VWA8: variants seen among roughly 807,000 people sequenced by gnomAD.
The protein encoded by VWA8 is von Willebrand factor A domain-containing protein 8.
VWA8 carries 221 observed loss-of-function variants against 241.5 expected under a neutral mutation model. The ratio of observed to expected loss-of-function variants is 0.91; its 90% CI spans 0.82 to 1.02. The LOEUF is 1.02. Among genes scored for constraint, VWA8 ranks in the 50% least tolerant of loss-of-function variants. The pLI is 0.00. For synonymous variants in VWA8, 852 were observed against 827.1 expected, an observed-to-expected ratio of 1.03 and a Z score of -0.52; for missense variants, 2,322 against 2,328.7, an observed-to-expected ratio of 1.00 and a Z score of 0.06.
At chr13:41,896,657 A>G (rs961839601) in intron 4 of VWA8, among the ~76,000 whole-genome samples, 1 of 152,172 alleles carries the variant, frequency 6.6e-6, no homozygotes, top group Non-Finnish European at 1.5e-5. Context: ...AGCACCACAA[A>G]AATATATATT....
At chr13:41,701,582 T>C in intron 27 of VWA8, 52 bp from the exon 28 acceptor site, 11 of 1,472,018 alleles carry the variant, frequency 7.5e-6, no homozygotes, top group South Asian at 1.5e-5. Context: ...CACCAAAATG[T>C]AGAAAAGCTA....
chr13:41,848,658 G>A (rs1872393450), intron 12 of VWA8, among the ~76,000 whole-genome samples: 1 of 152,142 alleles, frequency 6.6e-6, no homozygotes, highest in Non-Finnish European at 1.5e-5. Flanking sequence ...AGTTTTCTGA[G>A]GCTTCCCCAG....
intron 2 of VWA8, among the ~76,000 whole-genome samples, chr13:41,934,193 G>A (rs186790864): frequency 1.4e-3 from 214 of 149,214 alleles, no homozygotes; most frequent in African/African-American, 4.9e-3. Context: ...AAGATATAAA[G>A]ATGATAAATA....
At chr13:41,863,050 G>A (rs1831469) in intron 12 of VWA8, among the ~76,000 whole-genome samples, 41,362 of 151,922 alleles carry the variant, frequency 0.27, 5,713 homozygotes, top group African/African-American at 0.34. Flanking sequence ...TGTGTCTGTG[G>A]GGGTGTTGCC....
At chr13:41,868,531 T>G in intron 9 of VWA8, 54 bp from the exon 10 acceptor site, 1 of 1,558,970 alleles carries the variant, frequency 6.4e-7, no homozygotes, top group Non-Finnish European at 8.7e-7. Flanking sequence ...GCATTAACAT[T>G]GGCTATCTGA....
At chr13:41,918,152 A>G (rs573418308) in intron 2 of VWA8, among the ~76,000 whole-genome samples, 55 of 152,366 alleles carry the variant, frequency 3.6e-4, no homozygotes, top group African/African-American at 1.3e-3. Context: ...CCAAGAATAC[A>G]AAGATGAATA....
intron 37 of VWA8, among the ~76,000 whole-genome samples, chr13:41,634,764 T>G (rs2044746734): frequency 6.6e-6 from 1 of 152,204 alleles, no homozygotes; most frequent in Non-Finnish European, 1.5e-5. Flanking sequence ...TTGGCTCTTA[T>G]ATAATTTACT....
intron 31 of VWA8, 60 bp from the exon 32 acceptor site, chr13:41,691,505 G>A (rs2045177351): frequency 6.4e-7 from 1 of 1,573,506 alleles, no homozygotes; most frequent in Non-Finnish European, 8.6e-7. Context: ...TGAGTAATCT[G>A]GCATAATCAT....
intron 44 of VWA8, among the ~76,000 whole-genome samples, chr13:41,568,918 CTT>C (rs750810975): frequency 6.6e-6 from 1 of 151,430 alleles, no homozygotes; most frequent in African/African-American, 2.5e-5. Flanking sequence ...TTTTAAAAAA[CTT>C]ATAATGGGTT....
At chr13:41,856,504 C>A (rs954365591) in intron 12 of VWA8, among the ~76,000 whole-genome samples, 25 of 152,094 alleles carry the variant, frequency 1.6e-4, no homozygotes, top group Admixed American at 9.8e-4. Flanking sequence ...TTCTCAATAA[C>A]AGCCATAGAT....
At chr13:41,573,129 A>G (rs1270336582) in intron 43 of VWA8, among the ~76,000 whole-genome samples, 5 of 145,928 alleles carry the variant, frequency 3.4e-5, no homozygotes, top group Non-Finnish European at 7.5e-5. Context: ...AAAAAAAAAG[A>G]AACAAGCCAG....
At chr13:41,768,298 C>T (rs2045793325) in intron 20 of VWA8, among the ~76,000 whole-genome samples, 1 of 152,142 alleles carries the variant, frequency 6.6e-6, no homozygotes, top group African/African-American at 2.4e-5. Flanking sequence ...TGAGGGTGCA[C>T]AGTAGCAATC....
chr13:41,732,034 G>C, intron 22 of VWA8, 46 bp downstream of exon 22: 3 of 1,544,198 alleles, frequency 1.9e-6, no homozygotes, highest in Non-Finnish European at 2.7e-6. Flanking sequence ...ATACAACTAT[G>C]ATACAAAAAT....
chr13:41,693,393 G>C (rs1303969440), intron 29 of VWA8, among the ~76,000 whole-genome samples: 1 of 152,014 alleles, frequency 6.6e-6, no homozygotes, highest in Non-Finnish European at 1.5e-5. Context: ...AGAATGCTCA[G>C]TTGAAAGCTC....
At chr13:41,742,495 G>GT (rs2045576331) in intron 21 of VWA8, among the ~76,000 whole-genome samples, 1 of 152,008 alleles carries the variant, frequency 6.6e-6, no homozygotes, top group Non-Finnish European at 1.5e-5. Context: ...ATCAACAAAA[G>GT]TTTTTAAGAA....
intron 40 of VWA8, among the ~76,000 whole-genome samples, chr13:41,598,906 G>A (rs1413085146): frequency 6.6e-6 from 1 of 151,484 alleles, no homozygotes; most frequent in Non-Finnish European, 1.5e-5. Flanking sequence ...AATTTTGCAT[G>A]GTACTTAGTA....
rs1198142930 is a variant in VWA8 at position 41,590,672 on chromosome 13, T to C, written c.5080A>G (p.Ile1694Val). The change falls in exon 41 of 45, where the codon ATC becomes GTC. Residue 1694 changes from isoleucine (I) to valine (V), a missense_variant. Physicochemically the swap from Ile to Val is conservative, Grantham distance 29. Coordinates refer to ENST00000379310, the MANE Select transcript of VWA8 (RefSeq NM_015058.2). ...IIDGLTGEKA[I>V]YKRRGELEPQ... ...TCCAGCTCACCCCGACGTTTGTAGA[T>C]GGCTTTTTCTCCAGTCAGCCCATCA... is the stretch of plus-strand genomic sequence containing the variant. 1 of 1,614,158 alleles carries C rather than the reference T, an allele frequency of 6.2e-7. No homozygotes were observed. The highest frequency in any genetic ancestry group is 1.1e-5 in the South Asian group (1 of 91,082).
At chr13:41,772,946 T>G (rs1281913719) in intron 20 of VWA8, among the ~76,000 whole-genome samples, 1 of 152,240 alleles carries the variant, frequency 6.6e-6, no homozygotes, top group East Asian at 1.9e-4. Context: ...AAGTTGCCAC[T>G]GGTAACAGAG....
chr13:41,763,878 G>A (rs546453690), intron 20 of VWA8, among the ~76,000 whole-genome samples: 1 of 152,254 alleles, frequency 6.6e-6, no homozygotes, highest in Non-Finnish European at 1.5e-5. Flanking sequence ...TCCCATAAAT[G>A]TAGTTTGAGA....
Sources: gnomAD v4.1 joint callset for allele counts (sites outside exome capture counted in the v4.1 genomes callset) on GRCh38, gnomAD v4.1.1 for gene constraint, MANE v1.5 for transcripts, NCBI Gene and HGNC (gene_info 2026-07-23, HGNC 2026-07-21) for gene names.